Variants in SLC28A1 observed in about 807,000 individuals in gnomAD.
SLC28A1 encodes sodium/nucleoside cotransporter 1.
A neutral mutation model predicts 74.8 loss-of-function variants in SLC28A1; 64 were observed. The ratio of observed to expected loss-of-function variants is 0.86; its 90% CI spans 0.70 to 1.05. The LOEUF (loss-of-function observed/expected upper bound fraction) is 1.05, where lower values mean the gene tolerates loss of function less well. Among genes scored for constraint, SLC28A1 ranks in the 50% least tolerant of loss-of-function variants. The pLI, the probability that SLC28A1 is intolerant of heterozygous loss-of-function variation, is 0.00. For synonymous variants in SLC28A1, 359 were observed against 335.0 expected, an observed-to-expected ratio of 1.07 and a Z score of -0.78; for missense variants, 828 against 822.8, an observed-to-expected ratio of 1.01 and a Z score of -0.08.
intron 12 of SLC28A1, among the ~76,000 whole-genome samples, chr15:84,930,839 G>A (rs940548738): frequency 2.0e-5 from 3 of 149,974 alleles, no homozygotes; most frequent in African/African-American, 7.4e-5. Context: ...GTGCGATCTC[G>A]GCTCATTGCA....
intron 5 of SLC28A1, among the ~76,000 whole-genome samples, chr15:84,890,971 G>A (rs1303595679): frequency 3.3e-5 from 5 of 152,180 alleles, no homozygotes; most frequent in Admixed American, 2.0e-4. Context: ...AAAGTTCGAC[G>A]TCTGCACTGT....
intron 8 of SLC28A1, 82 bp from the exon 9 acceptor site, chr15:84,908,636 G>A (rs572163947): frequency 5.7e-5 from 69 of 1,217,792 alleles, no homozygotes; most frequent in Middle Eastern, 1.9e-4. Context: ...GGGCCAACCC[G>A]CCTGTCTCTG....
intron 6 of SLC28A1, among the ~76,000 whole-genome samples, chr15:84,898,306 C>T (rs550105796): frequency 2.6e-5 from 4 of 152,150 alleles, no homozygotes; most frequent in South Asian, 2.1e-4. Context: ...TGGTCGGGTG[C>T]GGTGGCTCAC....
chr15:84,911,196 CT>C (rs1239685773), intron 9 of SLC28A1, among the ~76,000 whole-genome samples: 2 of 152,358 alleles, frequency 1.3e-5, no homozygotes, highest in African/African-American at 2.4e-5. Flanking sequence ...TGTCTGCCCC[CT>C]GGCCACATTA....
chr15:84,902,756 G>T (rs1182040939), intron 6 of SLC28A1, among the ~76,000 whole-genome samples: 1 of 147,008 alleles, frequency 6.8e-6, no homozygotes, highest in Non-Finnish European at 1.5e-5. Flanking sequence ...TTGAGATGGC[G>T]TCTTGCTCTG....
chr15:84,903,385 T>C (rs72754904), intron 6 of SLC28A1, among the ~76,000 whole-genome samples: 39,836 of 152,190 alleles, frequency 0.26, 5,605 homozygotes, highest in South Asian at 0.5. Flanking sequence ...CAAAAGAACA[T>C]GTCTCTCGCA....
chr15:84,946,104 A>ATTTTTT (rs2079209924), downstream of SLC28A1, among the ~76,000 whole-genome samples: 1 of 12,736 alleles, frequency 7.9e-5, no homozygotes, highest in East Asian at 2.6e-3. Context: ...ATATATATAT[A>ATTTTTT]TATATATATT....
chr15:84,887,274 A>G lies in SLC28A1; in HGVS notation c.-16-471A>G, dbSNP rs1000021107. On this transcript the variant is annotated intron_variant, in intron 2 of 18. Transcript: ENST00000394573. ...CTCTCTTCAGAAAAATGCCTGTATC[A>G]GATACATATGCAGGCTGTATATAAT... is the stretch of plus-strand genomic sequence containing the variant. 5.3e-6 allele frequency: 4 copies of G among 751,606 alleles called. No individual in the cohort carries two copies. The African/African-American group carries it at 7.6e-5, about 14-fold the overall frequency. 46.6% of individuals were successfully genotyped at this position (751,606 alleles called of 1,614,324 possible).
intron 16 of SLC28A1, among the ~76,000 whole-genome samples, 193 bp from the exon 17 acceptor site, chr15:84,944,373 G>T (rs548319435): frequency 6.6e-6 from 1 of 152,218 alleles, no homozygotes; most frequent in East Asian, 1.9e-4. Context: ...GAGATGTGGG[G>T]CATTGCCTAG....
chr15:84,923,412 T>C (rs1970090650), intron 11 of SLC28A1, among the ~76,000 whole-genome samples: 1 of 152,068 alleles, frequency 6.6e-6, no homozygotes, highest in Admixed American at 6.5e-5. Flanking sequence ...CTTTATCCTG[T>C]CGACGCCATG....
At position 84,888,939 on chromosome 15, in the gene SLC28A1, G is replaced by C. The variant is rs8187748; in HGVS notation, c.185+79G>C. The C allele has an allele frequency of 8.6e-3, 8,639 of 1,000,244 alleles. 36 individuals carry two copies. The highest frequency in any genetic ancestry group is 0.01 in the Non-Finnish European group (6,787 of 646,518). The allele number at this position is 1,000,244 out of a possible 1,614,324, so 62.0% of individuals were successfully genotyped here. ...ACAGGATGGGGAGCCGGGCCTCCTG[G>C]CGGATGGGAGTTGGGGGGACGTGAA... On this transcript the variant is annotated intron_variant, in intron 4 of 18. Coordinates refer to ENST00000394573, the MANE Select transcript of SLC28A1 (RefSeq NM_004213.5).
At chr15:84,900,329 C>CA (rs1057148917) in intron 6 of SLC28A1, among the ~76,000 whole-genome samples, 4 of 112,072 alleles carry the variant, frequency 3.6e-5, no homozygotes, top group East Asian at 3.0e-4. Context: ...GACACTGTCT[C>CA]AAAAAAAAGG....
At chr15:84,914,512 C>T (rs1428456312) in intron 9 of SLC28A1, among the ~76,000 whole-genome samples, 4 of 152,206 alleles carry the variant, frequency 2.6e-5, no homozygotes, top group Non-Finnish European at 5.9e-5. Context: ...ATGCATCTGC[C>T]TCTTTGCAGG....
chr15:84,954,543 T>C, the SLC28A1 span, among the ~76,000 whole-genome samples: 1 of 152,126 alleles, frequency 6.6e-6, no homozygotes, highest in Non-Finnish European at 1.5e-5. Flanking sequence ...ACAAACTATG[T>C]GAGGTAGATA....
chr15:84,919,592 G>A (rs1040462714), intron 10 of SLC28A1, among the ~76,000 whole-genome samples: 2 of 152,166 alleles, frequency 1.3e-5, no homozygotes, highest in African/African-American at 4.8e-5. Context: ...TGGAAGGGCA[G>A]AAGGCAGAAG....
intron 12 of SLC28A1, among the ~76,000 whole-genome samples, chr15:84,928,569 TC>T (rs1970815817): frequency 1.1e-4 from 2 of 17,626 alleles, no homozygotes; most frequent in African/African-American, 8.4e-4. Flanking sequence ...TTTCTTTCTT[TC>T]TTTCTTTCTT....
At chr15:84,943,975 C>T (rs1380591812) in intron 16 of SLC28A1, among the ~76,000 whole-genome samples, 1 of 152,100 alleles carries the variant, frequency 6.6e-6, no homozygotes, top group Non-Finnish European at 1.5e-5. Context: ...CGATTCTCTG[C>T]TGCTGCTGGT....
At chr15:84,906,037 CAAG>C (rs1209981422) in intron 8 of SLC28A1, among the ~76,000 whole-genome samples, 7 of 95,470 alleles carry the variant, frequency 7.3e-5, no homozygotes, top group African/African-American at 2.7e-4. Flanking sequence ...TTTTTTCTTT[CAAG>C]AAGGAGTCTC....
In SLC28A1 at chr15:84,944,577, C is replaced by T. The variant is rs769934134; in HGVS notation, c.1675C>T (p.Pro559Ser). 3 of 1,613,260 alleles carry T rather than the reference C, an allele frequency of 1.9e-6. No individual in the cohort carries two copies. The highest frequency in any genetic ancestry group is 3.3e-5 in the Admixed American group (2 of 60,008). The change falls in exon 17 of 19, where the codon CCC becomes TCC. Residue 559 changes from proline to serine, a missense_variant. By Grantham distance (74) the Pro-to-Ser change is moderately conservative (BLOSUM62 -1). Transcript: ENST00000394573. ...CTGTCCCCTTGCAGCCTCCATGGTC[C>T]CCCAACGGAAGAGCGACTTCTCCCA... The part of the protein sequence containing the change: ...IMLGGLTSMV[P>S]QRKSDFSQIV...
Sources: gnomAD v4.1 joint callset for allele counts (sites outside exome capture counted in the v4.1 genomes callset) on GRCh38, gnomAD v4.1.1 for gene constraint, MANE v1.5 for transcripts, NCBI Gene and HGNC (gene_info 2026-07-23, HGNC 2026-07-21) for gene names.